GDPD1: variants seen among roughly 807,000 people sequenced by gnomAD.
GDPD1 encodes lysophospholipase D GDPD1.
GDPD1 carries 28 observed loss-of-function variants against 45.1 expected under a neutral mutation model. The observed-to-expected ratio is 0.62, with a 90% confidence interval of 0.46 to 0.85. GDPD1 has a LOEUF of 0.85. Ranked by LOEUF, GDPD1 falls within the 40% of genes least tolerant of loss-of-function variation. The pLI, the probability that GDPD1 is intolerant of heterozygous loss-of-function variation, is 0.00. For missense variants in GDPD1, 256 were observed against 364.8 expected (o/e 0.70, Z 2.43); for synonymous variants, 139 against 131.4 (o/e 1.06, Z -0.40).
intron 7 of GDPD1, 150 bp downstream of exon 7, chr17:59,267,324 T>A (rs1243454124): frequency 1.5e-6 from 1 of 659,404 alleles, no homozygotes; most frequent in Non-Finnish European, 2.5e-6. Flanking sequence ...CATTTTTATA[T>A]AATTAAGACA....
At chr17:59,262,933 T>C (rs1336330374) in intron 6 of GDPD1, among the ~76,000 whole-genome samples, 1 of 152,106 alleles carries the variant, frequency 6.6e-6, no homozygotes, top group Non-Finnish European at 1.5e-5. Flanking sequence ...CGGCCACAGC[T>C]TTGTATCTTG....
At chr17:59,240,430 A>G (rs1721576558) in intron 2 of GDPD1, among the ~76,000 whole-genome samples, 1 of 152,142 alleles carries the variant, frequency 6.6e-6, no homozygotes, top group Admixed American at 6.6e-5. Flanking sequence ...AGTTTTTTAA[A>G]ATTTAAAAGT....
In GDPD1 at chr17:59,237,921, T is replaced by C. The variant is rs1377766631; in HGVS notation, c.185+3387T>C. 5.9e-5 allele frequency among the ~76,000 whole-genome samples: 8 copies of C among 134,698 alleles called. No homozygotes were observed. The South Asian group carries it at 9.3e-4, about 16-fold the overall frequency. 88.4% of individuals were successfully genotyped at this position (134,698 alleles called of 152,430 possible). ...CCCATCTCTACTAAAAATTTAAAAA[T>C]TAGCTGGGCACAGCCTGGGCAACAG... On this transcript the variant is annotated intron_variant, in intron 2 of 9. Transcript: ENST00000284116.
intron 1 of GDPD1, among the ~76,000 whole-genome samples, chr17:59,225,090 C>CTTTTTTTTTT (rs796851725): frequency 5.4e-4 from 61 of 113,644 alleles, no homozygotes; most frequent in South Asian, 1.2e-3. Flanking sequence ...TCTTTCTTTT[C>CTTTTTTTTTT]TTTTTTTTTT....
At chr17:59,252,943 G>A (rs753439448) in intron 4 of GDPD1, among the ~76,000 whole-genome samples, 1 of 151,972 alleles carries the variant, frequency 6.6e-6, no homozygotes, top group Non-Finnish European at 1.5e-5. Context: ...GCAGTGAGCC[G>A]AGATCATGCC....
chr17:59,263,615 A>G (rs2047376442), intron 6 of GDPD1, among the ~76,000 whole-genome samples: 1 of 151,112 alleles, frequency 6.6e-6, no homozygotes, highest in African/African-American at 2.4e-5. Context: ...AGTAGCTGGG[A>G]TTACAGGCAT....
intron 3 of GDPD1, among the ~76,000 whole-genome samples, chr17:59,247,269 TC>T (rs902785163): frequency 2.6e-5 from 4 of 152,178 alleles, no homozygotes; most frequent in African/African-American, 9.7e-5. Flanking sequence ...ACATTAGGGT[TC>T]ACTCTTGTAC....
intron 6 of GDPD1, among the ~76,000 whole-genome samples, chr17:59,261,305 T>A (rs1371998751): frequency 6.6e-6 from 1 of 151,988 alleles, no homozygotes; most frequent in East Asian, 1.9e-4. Flanking sequence ...GGCTGAGAGA[T>A]CCCAAGGTAG....
chr17:59,249,573 T>C (rs1204356695), intron 4 of GDPD1, among the ~76,000 whole-genome samples: 2 of 152,198 alleles, frequency 1.3e-5, no homozygotes, highest in African/African-American at 4.8e-5. Context: ...TTCCTAGTCA[T>C]CTTCAGTTAG....
chr17:59,262,674 C>T (rs981943624), intron 6 of GDPD1, among the ~76,000 whole-genome samples: 2 of 147,778 alleles, frequency 1.4e-5, no homozygotes, highest in African/African-American at 5.0e-5. Context: ...GTCACCCAGG[C>T]TGGAGTGCAA....
rs371799165 is a variant in GDPD1, at chr17:59,257,724, C to A, written c.487-27C>A. On this transcript the variant is annotated intron_variant, in intron 5 of 9. Transcript: ENST00000284116. ...TAGTGGATTTGCAAATAGGCACATG[C>A]ATAAAATTTTGAATTTTCACACGTA... is the stretch of plus-strand genomic sequence containing the variant. 3 of 1,466,554 alleles carry A rather than the reference C, an allele frequency of 2.0e-6. No homozygotes were observed. In the African/African-American group the frequency reaches 4.2e-5, roughly 21 times the overall value. 90.8% of individuals were successfully genotyped at this position (1,466,554 alleles called of 1,614,324 possible).
chr17:59,233,324 T>C (rs1226871990), intron 1 of GDPD1, among the ~76,000 whole-genome samples: 5 of 151,894 alleles, frequency 3.3e-5, no homozygotes, highest in Non-Finnish European at 7.4e-5. Context: ...CCATCCTGGC[T>C]AACACGGTGA....
Position 59,275,117 on chromosome 17 carries a change from C to T in GDPD1, c.*1344C>T, listed in dbSNP as rs906850885. 6 of 1,520,646 alleles carry T rather than the reference C, an allele frequency of 3.9e-6. No individual in the cohort carries two copies. Among genetic ancestry groups the T allele is most frequent in the Admixed American group, 2.0e-5 (1 of 50,920 alleles). The allele number at this position is 1,520,646 out of a possible 1,614,324, so 94.2% of individuals were successfully genotyped here. ...TCGGCCTCTCAAAGTGCTGGGATTA[C>T]AGGTTTGAACCACTGCACCCGGCCA... On this transcript the variant is annotated 3_prime_UTR_variant, in exon 10 of 10. Transcript: ENST00000284116.
At chr17:59,256,012 C>T (rs1449354995) in intron 4 of GDPD1, among the ~76,000 whole-genome samples, 1 of 149,890 alleles carries the variant, frequency 6.7e-6, no homozygotes, top group Non-Finnish European at 1.5e-5. Flanking sequence ...GAGCAAGATC[C>T]TGTCTCAAAA....
At chr17:59,269,047 C>G (rs909068691) in intron 7 of GDPD1, among the ~76,000 whole-genome samples, 2 of 151,672 alleles carry the variant, frequency 1.3e-5, no homozygotes, top group Admixed American at 6.6e-5. Flanking sequence ...GCCTGTAATC[C>G]CAGCACTGTG....
At chr17:59,232,021 CTG>C (rs1240157445) in intron 1 of GDPD1, among the ~76,000 whole-genome samples, 2 of 152,144 alleles carry the variant, frequency 1.3e-5, no homozygotes, top group African/African-American at 4.8e-5. Flanking sequence ...TTGTGCATGT[CTG>C]GCACAACTCT....
At chr17:59,261,377 C>G (rs902415850) in intron 6 of GDPD1, among the ~76,000 whole-genome samples, 2 of 152,090 alleles carry the variant, frequency 1.3e-5, no homozygotes, top group Admixed American at 1.3e-4. Context: ...TTCCTAAGAA[C>G]TTAGAACTTA....
At chr17:59,248,605 T>C in intron 3 of GDPD1, 135 bp from the exon 4 acceptor site, 1 of 589,464 alleles carries the variant, frequency 1.7e-6, no homozygotes, top group South Asian at 2.5e-5. Context: ...TTGGGGATGT[T>C]CTGCTAAGGG....
At chr17:59,252,285 C>T (rs1008918778) in intron 4 of GDPD1, among the ~76,000 whole-genome samples, 2 of 151,806 alleles carry the variant, frequency 1.3e-5, no homozygotes, top group Non-Finnish European at 2.9e-5. Flanking sequence ...GCTTTTGCTT[C>T]TGTTGTCCAG....
Sources: allele counts gnomAD v4.1 joint callset (sites outside exome capture counted in the v4.1 genomes callset), GRCh38; gene constraint gnomAD v4.1.1; transcripts MANE v1.5; gene names NCBI Gene and HGNC (gene_info 2026-07-23, HGNC 2026-07-21).